Variants in MYH16 observed in about 807,000 individuals in gnomAD.
The protein encoded by MYH16 is putative uncharacterized protein MYH16.
At chr7:99,266,444 T>C (rs1182904838) in intron 17 of MYH16, among the ~76,000 whole-genome samples, 1 of 152,190 alleles carries the variant, frequency 6.6e-6, no homozygotes, top group Non-Finnish European at 1.5e-5. Flanking sequence ...GAAAGGTCAC[T>C]AGAGGTCACC....
chr7:99,265,690 G>A (rs553001634), intron 17 of MYH16: 1 of 153,674 alleles, frequency 6.5e-6, no homozygotes, highest in East Asian at 1.9e-4. Flanking sequence ...AAACAGAGGT[G>A]AGTGATGTCT....
At chr7:99,281,732 G>A (rs988504247) in intron 23 of MYH16, among the ~76,000 whole-genome samples, 7 of 152,176 alleles carry the variant, frequency 4.6e-5, no homozygotes, top group African/African-American at 1.7e-4. Flanking sequence ...GAGTTCTTGA[G>A]GCCATGGGGA....
At chr7:99,239,639 G>A (rs571934918) in intron 1 of MYH16, among the ~76,000 whole-genome samples, 1 of 152,300 alleles carries the variant, frequency 6.6e-6, no homozygotes, top group African/African-American at 2.4e-5. Flanking sequence ...GTGGATTGCA[G>A]GGATCCAACC....
chr7:99,252,203 G>A (rs1414160663), intron 6 of MYH16, among the ~76,000 whole-genome samples: 2 of 152,130 alleles, frequency 1.3e-5, no homozygotes, highest in Non-Finnish European at 2.9e-5. Flanking sequence ...CAGTGCAGCT[G>A]TCTGGCGGGA....
At chr7:99,248,575 T>C (rs1791764703) in intron 3 of MYH16, among the ~76,000 whole-genome samples, 1 of 152,216 alleles carries the variant, frequency 6.6e-6, no homozygotes, top group Admixed American at 6.5e-5. Flanking sequence ...TCTTAATGTT[T>C]TGTGGAGACA....
chr7:99,274,952 T>G (rs1792091345), intron 20 of MYH16, among the ~76,000 whole-genome samples: 1 of 151,440 alleles, frequency 6.6e-6, no homozygotes, highest in Non-Finnish European at 1.5e-5. Context: ...GCTGGGATTA[T>G]AGATGTGAGT....
chr7:99,289,384 C>A (rs772256663), exon 30 of MYH16: 12 of 442,266 alleles, frequency 2.7e-5, no homozygotes, highest in Non-Finnish European at 4.5e-6. Flanking sequence ...GAAATCAATG[C>A]CATCAGGACC....
chr7:99,243,240 T>C (rs1384295223), intron 1 of MYH16: 1 of 152,890 alleles, frequency 6.5e-6, no homozygotes. Flanking sequence ...CCATGCCCCA[T>C]GCCTGATGCC....
intron 23 of MYH16, among the ~76,000 whole-genome samples, chr7:99,281,765 C>T (rs1220300371): frequency 3.3e-5 from 5 of 152,204 alleles, no homozygotes; most frequent in Non-Finnish European, 7.3e-5. Context: ...TTCCCAGGCC[C>T]ACTGTCACGG....
At chr7:99,268,107 C>G (rs1347340369) in intron 18 of MYH16, among the ~76,000 whole-genome samples, 4 of 152,196 alleles carry the variant, frequency 2.6e-5, no homozygotes, top group Non-Finnish European at 4.4e-5. Flanking sequence ...TCCCTCACTC[C>G]CTGGAGCTTG....
intron 33 of MYH16, among the ~76,000 whole-genome samples, chr7:99,296,112 A>C (rs9969386): frequency 0.28 from 40,422 of 146,752 alleles, 10,953 homozygotes; most frequent in African/African-American, 0.72. Context: ...CCACTGCACT[A>C]CAGCCTGGGT....
rs1274553118 is a variant in MYH16, at chr7:99,299,922, TTTTATTTTA to T, written n.4933+272_4933+280del. On this transcript the variant is annotated intron_variant and non_coding_transcript_variant, in intron 37 of 41. Transcript: ENST00000439784. Reference sequence around the variant, plus strand: ...GAAGTTGGGCCCGTCTAGATTTTTATTTTATTTTATTTATTTATTTATTTATTTATTTAT... The same window carrying T: ...GAAGTTGGGCCCGTCTAGATTTTTATTTTATTTATTTATTTATTTATTTAT... Among the ~76,000 whole-genome samples, 217 of 143,942 alleles carry T rather than the reference TTTTATTTTA, an allele frequency of 1.5e-3. 1 individual carries two copies. The highest frequency in any genetic ancestry group is 4.7e-3 in the African/African-American group (176 of 37,318). 94.4% of individuals were successfully genotyped at this position (143,942 alleles called of 152,430 possible).
chr7:99,268,454 G>A (rs560877455), intron 18 of MYH16, among the ~76,000 whole-genome samples: 10 of 152,354 alleles, frequency 6.6e-5, no homozygotes, highest in Admixed American at 2.0e-4. Flanking sequence ...CGGGAAAGCC[G>A]GAGCTGGTAT....
chr7:99,292,200 T>C, intron 31 of MYH16, 112 bp from the exon 13 acceptor site: 3 of 355,528 alleles, frequency 8.4e-6, no homozygotes, highest in Non-Finnish European at 1.7e-5. Context: ...ATCATGTTTC[T>C]TTTCCCCCTT....
intron 21 of MYH16, among the ~76,000 whole-genome samples, chr7:99,278,272 C>T (rs541210962): frequency 6.6e-6 from 1 of 152,216 alleles, no homozygotes; most frequent in East Asian, 1.9e-4. Context: ...CACACAGCAG[C>T]AGGCTGGGCA....
Position 99,275,284 on chromosome 7 carries a change from C to T in MYH16, n.2485+1861C>T, listed in dbSNP as rs116724594. ...AATGGCTGAGATTACAGGTACACAG[C>T]GCCCGCCCAGCTCATTTTTAAATTT... On this transcript the variant is annotated intron_variant and non_coding_transcript_variant, in intron 20 of 41. Transcript: ENST00000439784. 8.3e-3 allele frequency among the ~76,000 whole-genome samples: 1,266 copies of T among 152,228 alleles called. 14 individuals are homozygous for T. The highest frequency in any genetic ancestry group is 0.029 in the African/African-American group (1,215 of 41,518).
exon 24 of MYH16, chr7:99,283,597 C>T (rs1792232798): frequency 6.6e-6 from 3 of 456,296 alleles, no homozygotes; most frequent in African/African-American, 6.0e-5. Flanking sequence ...CTGAGGAGGA[C>T]AAGGTGAACC....
intron 18 of MYH16, chr7:99,267,078 C>T (rs1251542808): frequency 6.6e-6 from 1 of 152,466 alleles, no homozygotes; most frequent in East Asian, 1.9e-4. Context: ...CAATGGCCTA[C>T]TTCGGGCAAG....
chr7:99,280,032 C>T (rs575346693), intron 22 of MYH16, among the ~76,000 whole-genome samples: 1 of 152,064 alleles, frequency 6.6e-6, no homozygotes, highest in Non-Finnish European at 1.5e-5. Context: ...ACCACCACAC[C>T]CGGCTAATTT....
Sources: gnomAD v4.1 joint callset for allele counts (sites outside exome capture counted in the v4.1 genomes callset) on GRCh38, gnomAD v4.1.1 for gene constraint, MANE v1.5 for transcripts, NCBI Gene and HGNC (gene_info 2026-07-23, HGNC 2026-07-21) for gene names.